Variants in POPDC1 observed in about 807,000 individuals in gnomAD.
POPDC1 encodes popeye domain cAMP effector 1.
chr6:105,119,432 T>G, the POPDC1 span, among the ~76,000 whole-genome samples: 1 of 151,954 alleles, frequency 6.6e-6, no homozygotes, highest in Non-Finnish European at 1.5e-5. Context: ...AATAAAGAAG[T>G]AGGATCAAAA....
the POPDC1 span, among the ~76,000 whole-genome samples, chr6:105,103,632 A>G: frequency 2.0e-5 from 3 of 152,224 alleles, no homozygotes; most frequent in African/African-American, 4.8e-5. Context: ...TCAATAATAT[A>G]TAGTATATAG....
At chr6:105,101,159 C>T in the POPDC1 span, 1 of 1,613,554 alleles carries the variant, frequency 6.2e-7, no homozygotes. Flanking sequence ...ATCTTCTGCT[C>T]CTTCTTCTAT....
chr6:105,121,856 G>A, the POPDC1 span, among the ~76,000 whole-genome samples: 11 of 152,110 alleles, frequency 7.2e-5, no homozygotes, highest in Non-Finnish European at 1.2e-4. Context: ...ACCACAGAAC[G>A]AATTTAAAGA....
At chr6:105,126,192 C>T in the POPDC1 span, among the ~76,000 whole-genome samples, 42 of 149,674 alleles carry the variant, frequency 2.8e-4, no homozygotes, top group Admixed American at 2.0e-3. Context: ...CTCCATTGCA[C>T]TCTAGCTTGG....
At chr6:105,118,105 C>T in the POPDC1 span, among the ~76,000 whole-genome samples, 1 of 152,154 alleles carries the variant, frequency 6.6e-6, no homozygotes, top group African/African-American at 2.4e-5. Flanking sequence ...ACAAATACCG[C>T]AGTAGGCAAA....
At chr6:105,109,377 G>A in the POPDC1 span, among the ~76,000 whole-genome samples, 9 of 152,088 alleles carry the variant, frequency 5.9e-5, no homozygotes, top group African/African-American at 1.4e-4. Context: ...TCATCATATT[G>A]AGCAGAAAGT....
At chr6:105,110,564 T>C in the POPDC1 span, among the ~76,000 whole-genome samples, 7 of 152,178 alleles carry the variant, frequency 4.6e-5, no homozygotes, top group African/African-American at 7.2e-5. Flanking sequence ...TAAATAAATA[T>C]AGAAGAGAAC....
At chr6:105,124,310 A>G in the POPDC1 span, among the ~76,000 whole-genome samples, 1 of 136,384 alleles carries the variant, frequency 7.3e-6, no homozygotes, top group African/African-American at 2.7e-5. Flanking sequence ...TGAACCTGGG[A>G]GGCGGAGCTT....
At chr6:105,117,135 C>A in the POPDC1 span, among the ~76,000 whole-genome samples, 1 of 152,168 alleles carries the variant, frequency 6.6e-6, no homozygotes, top group South Asian at 2.1e-4. Flanking sequence ...AGAAGAATGG[C>A]CACTGTATTG....
At chr6:105,118,573 G>A in the POPDC1 span, among the ~76,000 whole-genome samples, 1 of 152,168 alleles carries the variant, frequency 6.6e-6, no homozygotes, top group Non-Finnish European at 1.5e-5. Context: ...GCCCCATGAA[G>A]CTTACATTCT....
the POPDC1 span, among the ~76,000 whole-genome samples, chr6:105,110,335 A>T: frequency 6.6e-6 from 1 of 152,234 alleles, no homozygotes; most frequent in Non-Finnish European, 1.5e-5. Context: ...TTCTCTAGCC[A>T]TCTTGGTAGG....
the POPDC1 span, among the ~76,000 whole-genome samples, chr6:105,114,312 G>A: frequency 6.6e-6 from 1 of 152,014 alleles, no homozygotes; most frequent in Non-Finnish European, 1.5e-5. Context: ...CTTTTCTCTT[G>A]TTAATCTATC....
the POPDC1 span, chr6:105,116,675 AC>A: frequency 6.5e-7 from 1 of 1,529,626 alleles, no homozygotes; most frequent in South Asian, 1.3e-5. Flanking sequence ...TATTTATTTA[AC>A]AAAATAAACT....
the POPDC1 span, among the ~76,000 whole-genome samples, chr6:105,109,018 T>C: frequency 6.6e-6 from 1 of 152,162 alleles, no homozygotes; most frequent in Non-Finnish European, 1.5e-5. Context: ...TGGAATGCAG[T>C]GTCGTGATCT....
the POPDC1 span, chr6:105,129,476 G>C: frequency 5.0e-6 from 8 of 1,612,506 alleles, 1 homozygote; most frequent in Middle Eastern, 5.0e-4. Flanking sequence ...TCGGTAGAGA[G>C]TGGCCCAGAC....
At chr6:105,106,502 C>T in the POPDC1 span, among the ~76,000 whole-genome samples, 2 of 152,250 alleles carry the variant, frequency 1.3e-5, no homozygotes, top group Non-Finnish European at 2.9e-5. Context: ...AAACAGTGGA[C>T]ACCTTTGCTC....
At chr6:105,108,640 T>C in the POPDC1 span, among the ~76,000 whole-genome samples, 1 of 152,206 alleles carries the variant, frequency 6.6e-6, no homozygotes, top group Non-Finnish European at 1.5e-5. Flanking sequence ...AAGTAAACCG[T>C]GGCATGATTT....
At chr6:105,136,512 C>T in the POPDC1 span, 1 of 152,418 alleles carries the variant, frequency 6.6e-6, no homozygotes, top group Non-Finnish European at 1.5e-5. Flanking sequence ...TGCACGCAGG[C>T]TCTGCGCGGC....
the POPDC1 span, among the ~76,000 whole-genome samples, chr6:105,102,367 C>T: frequency 6.6e-6 from 1 of 152,200 alleles, no homozygotes; most frequent in Non-Finnish European, 1.5e-5. Flanking sequence ...TTGGCCAGCA[C>T]AGGGAGAATG....
Sources: gnomAD v4.1 joint callset for allele counts (sites outside exome capture counted in the v4.1 genomes callset) on GRCh38, gnomAD v4.1.1 for gene constraint, MANE v1.5 for transcripts, NCBI Gene and HGNC (gene_info 2026-07-23, HGNC 2026-07-21) for gene names.